SGMS1: variants seen among roughly 807,000 people sequenced by gnomAD.
SGMS1 encodes sphingomyelin synthase 1.
SGMS1 carries 13 observed loss-of-function variants against 46.2 expected under a neutral mutation model. That is an observed-to-expected ratio of 0.28 (90% CI 0.18 to 0.45). SGMS1 has a LOEUF of 0.45. SGMS1 is among the 20% of genes least tolerant of loss of function. The pLI is 1.00. For synonymous variants in SGMS1, 203 were observed against 187.8 expected (o/e 1.08, Z -0.66); for missense variants, 324 against 519.9 (o/e 0.62, Z 3.66).
chr10:50,398,149 C>T (rs1250376457), intron 6 of SGMS1, among the ~76,000 whole-genome samples: 1 of 152,112 alleles, frequency 6.6e-6, no homozygotes, highest in Non-Finnish European at 1.5e-5. Context: ...TTTCCACTCT[C>T]TCGGAGCTTC....
At chr10:50,352,794 A>C (rs1321863509) in intron 6 of SGMS1, among the ~76,000 whole-genome samples, 2 of 152,228 alleles carry the variant, frequency 1.3e-5, no homozygotes, top group African/African-American at 4.8e-5. Flanking sequence ...CTACCATCAG[A>C]GAATACTATA....
At chr10:50,367,707 C>T (rs994783795) in intron 6 of SGMS1, among the ~76,000 whole-genome samples, 8 of 152,214 alleles carry the variant, frequency 5.3e-5, no homozygotes, top group Non-Finnish European at 1.2e-4. Context: ...CAATTCATTA[C>T]ATCCTTTCCA....
intron 3 of SGMS1, among the ~76,000 whole-genome samples, chr10:50,494,905 G>A (rs993231465): frequency 6.6e-6 from 1 of 151,472 alleles, no homozygotes; most frequent in South Asian, 2.1e-4. Flanking sequence ...GCATAGTGGC[G>A]GGCACCTGTA....
chr10:50,308,003 A>T lies in SGMS1; in HGVS notation c.1041T>A (p.Tyr347Ter). 6.2e-7 allele frequency: 1 copy of T among 1,613,938 alleles called. No homozygotes were observed. The highest frequency in any genetic ancestry group is 2.2e-5 in the East Asian group (1 of 44,874). Residue 347 changes from tyrosine (Y) to a stop codon, truncating the protein, a stop_gained, in exon 10 of 11, where the codon TAT becomes TAA. Transcript: ENST00000361781. LOFTEE classifies it high-confidence loss of function. ...YYITTRLFWW[Y>*]HTMANQQVLK... ...TCACTTGCTGATTGGCCATAGTGTG[A>T]TACCACCAGAAGAGTCTCGTGGTGA...
intron 6 of SGMS1, among the ~76,000 whole-genome samples, chr10:50,422,936 GA>G (rs1282138321): frequency 1.3e-5 from 2 of 152,060 alleles, no homozygotes; most frequent in Non-Finnish European, 2.9e-5. Flanking sequence ...GACAGATGGG[GA>G]AAAAAACACT....
intron 2 of SGMS1, among the ~76,000 whole-genome samples, chr10:50,562,100 G>C (rs1838241428): frequency 6.6e-6 from 1 of 152,044 alleles, no homozygotes; most frequent in Non-Finnish European, 1.5e-5. Context: ...TATGTCTCAG[G>C]CCTACGCTTT....
chr10:50,449,311 G>A (rs561994850), intron 5 of SGMS1, among the ~76,000 whole-genome samples: 1 of 152,218 alleles, frequency 6.6e-6, no homozygotes, highest in South Asian at 2.1e-4. Context: ...CATTCTGCTA[G>A]GAATTGGAAA....
rs1340556242 is a variant in SGMS1 at position 50,570,293 on chromosome 10, T to C, written c.-589+19860A>G. On this transcript the variant is annotated intron_variant, in intron 2 of 10. Coordinates refer to ENST00000361781, the MANE Select transcript of SGMS1 (RefSeq NM_147156.4). ...GGATGAGGGCTCAATTATGCAAACA[T>C]CACTGTGCTTAACAGAAACCCTCTT... 2.0e-5 allele frequency among the ~76,000 whole-genome samples: 3 copies of C among 152,202 alleles called. No individual in the cohort carries two copies. The South Asian group carries it at 6.2e-4, about 31-fold the overall frequency.
chr10:50,524,086 G>C (rs1837878705), intron 2 of SGMS1, among the ~76,000 whole-genome samples: 1 of 152,036 alleles, frequency 6.6e-6, no homozygotes, highest in East Asian at 1.9e-4. Context: ...TCTACTTCAG[G>C]TCCCCTAGAT....
At chr10:50,320,143 G>C (rs1218806659) in intron 8 of SGMS1, among the ~76,000 whole-genome samples, 2 of 152,102 alleles carry the variant, frequency 1.3e-5, no homozygotes, top group Non-Finnish European at 2.9e-5. Flanking sequence ...CTGCCATGTG[G>C]ATCATCTTTC....
chr10:50,617,617 T>A (rs1838810385), intron 1 of SGMS1, among the ~76,000 whole-genome samples: 1 of 152,222 alleles, frequency 6.6e-6, no homozygotes. Context: ...GGTCTCACTC[T>A]GTCACCCAGG....
intron 2 of SGMS1, among the ~76,000 whole-genome samples, chr10:50,570,520 CA>C (rs983655091): frequency 6.6e-6 from 1 of 152,116 alleles, no homozygotes; most frequent in Non-Finnish European, 1.5e-5. Flanking sequence ...AATAAAGACC[CA>C]ATGAGTGAAA....
chr10:50,327,259 T>C lies in SGMS1; in HGVS notation c.687A>G (p.Thr229=). ...GTACTGGGAGTGTAGTTACATACAT[T>C]GTAATACACCGATACAGGTACAGCG... is the stretch of plus-strand genomic sequence containing the variant. ...VGTLYLYRCI[T]MYVTTLPVPG... is the part of the protein sequence containing the mutation. The change falls in exon 8 of 11, where the codon ACA becomes ACG. Residue 229 remains threonine (T), a synonymous_variant. Transcript: ENST00000361781. 6.2e-7 allele frequency: 1 copy of C among 1,610,450 alleles called. No individual in the cohort carries two copies. Among genetic ancestry groups the C allele is most frequent in the East Asian group, 2.2e-5 (1 of 44,802 alleles).
intron 3 of SGMS1, among the ~76,000 whole-genome samples, chr10:50,469,172 C>T (rs1372179841): frequency 2.0e-5 from 3 of 152,218 alleles, no homozygotes; most frequent in Admixed American, 2.0e-4. Flanking sequence ...ACAGCTCTGC[C>T]TTAATGATGA....
intron 6 of SGMS1, among the ~76,000 whole-genome samples, chr10:50,421,252 C>G (rs149228722): frequency 6.6e-6 from 1 of 152,316 alleles, no homozygotes; most frequent in African/African-American, 2.4e-5. Context: ...AAACCCTCTG[C>G]CAAATAACCC....
At chr10:50,615,574 A>C (rs985218486) in intron 1 of SGMS1, among the ~76,000 whole-genome samples, 1 of 152,160 alleles carries the variant, frequency 6.6e-6, no homozygotes, top group African/African-American at 2.4e-5. Context: ...GCTCTTCACC[A>C]CTGTACTATA....
chr10:50,551,289 C>G lies in SGMS1; in HGVS notation c.-588-31368G>C, dbSNP rs146891404. 3.0e-3 allele frequency among the ~76,000 whole-genome samples: 450 copies of G among 151,738 alleles called. 1 individual carries two copies. The highest frequency in any genetic ancestry group is 0.01 in the African/African-American group (421 of 41,356). ...CCTCACAAAAACCCATAACCCCAAT[C>G]TAATCATTAGAAAAGCATCAGACAA... is the stretch of plus-strand genomic sequence containing the variant. On this transcript the variant is annotated intron_variant, in intron 2 of 10. Transcript: ENST00000361781.
rs750349777 is a variant in SGMS1 at position 50,458,339 on chromosome 10, C to CTTTTTTTTTTTTTTTTTTTT, written c.-313+2314_-313+2333dup. Among the ~76,000 whole-genome samples the CTTTTTTTTTTTTTTTTTTTT allele has an allele frequency of 2.3e-4, 22 of 97,140 alleles. 3 individuals carry two copies. The highest frequency in any genetic ancestry group is 3.7e-4 in the South Asian group (1 of 2,722). 63.7% of individuals were successfully genotyped at this position (97,140 alleles called of 152,430 possible). Reference sequence around the variant, plus strand: ...TCTGGCTCTGCTATTTTCTTTTTCTCTTTTTTTTTTTTTTTTTTTTTTTTT... The same window carrying CTTTTTTTTTTTTTTTTTTTT: ...TCTGGCTCTGCTATTTTCTTTTTCTCTTTTTTTTTTTTTTTTTTTTTTTTTTTTTTTTTTTTTTTTTTTTT... On this transcript the variant is annotated intron_variant, in intron 5 of 10. Coordinates refer to ENST00000361781, the MANE Select transcript of SGMS1 (RefSeq NM_147156.4).
intron 7 of SGMS1, among the ~76,000 whole-genome samples, chr10:50,339,430 G>C (rs1278593518): frequency 6.6e-6 from 1 of 152,162 alleles, no homozygotes; most frequent in Non-Finnish European, 1.5e-5. Context: ...AGAGGAGTCT[G>C]GTTTCCGATC....
Sources: gnomAD v4.1 joint callset for allele counts (sites outside exome capture counted in the v4.1 genomes callset) on GRCh38, gnomAD v4.1.1 for gene constraint, MANE v1.5 for transcripts, NCBI Gene and HGNC (gene_info 2026-07-23, HGNC 2026-07-21) for gene names.